Variants in VWA2 observed in about 807,000 individuals in gnomAD.
VWA2 encodes the protein von Willebrand factor A domain containing 2, also known as von Willebrand factor A domain-containing protein 2.
A neutral mutation model predicts 70.4 loss-of-function variants in VWA2; 73 were observed. The ratio of observed to expected loss-of-function variants is 1.04; its 90% confidence interval spans 0.86 to 1.26. VWA2 has a LOEUF of 1.26. Among genes scored for constraint, VWA2 ranks in the 50% most tolerant of loss-of-function variants. The pLI, the probability that VWA2 is intolerant of heterozygous loss-of-function variation, is 0.00. For synonymous variants in VWA2, 407 were observed against 423.3 expected, an observed-to-expected ratio of 0.96 and a Z score of 0.47; for missense variants, 1,011 against 998.5, an observed-to-expected ratio of 1.01 and a Z score of -0.17.
intron 4 of VWA2, among the ~76,000 whole-genome samples, chr10:114,257,018 A>G (rs1464843031): frequency 6.6e-6 from 1 of 152,176 alleles, no homozygotes; most frequent in Admixed American, 6.5e-5. Context: ...GTGGTTTTCC[A>G]AGATAACATT....
intron 2 of VWA2, among the ~76,000 whole-genome samples, chr10:114,249,096 G>C (rs1244367039): frequency 6.6e-6 from 1 of 151,980 alleles, no homozygotes; most frequent in Non-Finnish European, 1.5e-5. Flanking sequence ...TGCCATGATG[G>C]TTTGCTGCAC....
At position 114,286,340 on chromosome 10, in the gene VWA2, C is replaced by G; in HGVS notation, c.1399C>G (p.His467Asp). The G allele has an allele frequency of 6.2e-7, 1 of 1,613,298 alleles. No individual in the cohort carries two copies. Among genetic ancestry groups the G allele is most frequent in the Non-Finnish European group, 8.5e-7 (1 of 1,179,696 alleles). Residue 467 changes from histidine to aspartate, a missense_variant, in exon 11 of 14, where the codon CAC becomes GAC. His to Asp is a moderately conservative substitution (Grantham distance 81). Coordinates refer to ENST00000392982, the MANE Select transcript of VWA2 (RefSeq NM_001272046.2). ...SEDEVAGPAR[H>D]ARARELLLLG... ...GGATGAGGTTGCGGGCCCAGCGCGT[C>G]ACGCAAGGGCGCGAGAGCTGCTCCT...
In VWA2 at chr10:114,286,426, G is replaced by T; in HGVS notation, c.1485G>T (p.Lys495Asn). The T allele has an allele frequency of 6.2e-7, 1 of 1,613,738 alleles. No homozygotes were observed. The highest frequency in any genetic ancestry group is 1.1e-5 in the South Asian group (1 of 91,064). The change falls in exon 11 of 14, where the codon AAG becomes AAT. Residue 495 changes from lysine (K) to asparagine (N), a missense_variant. Lys to Asn is a moderately conservative substitution (Grantham distance 94). Coordinates refer to ENST00000392982, the MANE Select transcript of VWA2 (RefSeq NM_001272046.2). ...AELEEITGSP[K>N]HVMVYSDPQD... ...TGGAGGAGATCACAGGCAGCCCAAAGCATGTGATGGTCTACTCGGATCCTC... is the reference window on the plus strand; with the variant it reads ...TGGAGGAGATCACAGGCAGCCCAAATCATGTGATGGTCTACTCGGATCCTC...
chr10:114,269,319 G>A (rs2133353617), intron 5 of VWA2, among the ~76,000 whole-genome samples: 1 of 152,288 alleles, frequency 6.6e-6, no homozygotes, highest in East Asian at 1.9e-4. Flanking sequence ...GGTGGCCCAC[G>A]CCTGTAATCC....
At chr10:114,253,877 G>A in intron 3 of VWA2, 152 bp downstream of exon 3, 1 of 732,850 alleles carries the variant, frequency 1.4e-6, no homozygotes, top group East Asian at 2.8e-5. Context: ...ACAGGGACCT[G>A]ACCAAATCAC....
At chr10:114,249,966 CA>C (rs1170455736) in intron 2 of VWA2, among the ~76,000 whole-genome samples, 1 of 152,124 alleles carries the variant, frequency 6.6e-6, no homozygotes, top group African/African-American at 2.4e-5. Flanking sequence ...TGCTCCCCGC[CA>C]CCAAAAACAT....
At chr10:114,286,625 C>G in intron 11 of VWA2, 114 bp downstream of exon 11, 2 of 867,840 alleles carry the variant, frequency 2.3e-6, no homozygotes, top group Non-Finnish European at 1.7e-6. Context: ...GCTGAAACCA[C>G]AGCCCCACTC....
rs564036572 is a variant in VWA2, at chr10:114,292,227, A to C, written c.*990A>C. 6.6e-6 allele frequency among the ~76,000 whole-genome samples: 1 copy of C among 151,490 alleles called. No homozygotes were observed. The highest frequency in any genetic ancestry group is 1.5e-5 in the Non-Finnish European group (1 of 67,840). ...GGGAGGCGGAAGTTACAGTGAGCCGAGATCTCACCACTGCACTCCAGCCTG... is the reference window on the plus strand; with the variant it reads ...GGGAGGCGGAAGTTACAGTGAGCCGCGATCTCACCACTGCACTCCAGCCTG... On this transcript the variant is annotated 3_prime_UTR_variant, in exon 14 of 14. Transcript: ENST00000392982.
chr10:114,274,021 G>C lies in VWA2; in HGVS notation c.566+1087G>C, dbSNP rs150664659. The stretch of plus-strand genomic sequence containing the variant: ...AGCAGAAACTTGAGTGAAGTGAGGA[G>C]TAAGCCTTCCAAATATCAGGGGAAG... On this transcript the variant is annotated intron_variant, in intron 6 of 13. Coordinates refer to ENST00000392982, the MANE Select transcript of VWA2 (RefSeq NM_001272046.2). Among the ~76,000 whole-genome samples the C allele has an allele frequency of 5.6e-3, 850 of 152,298 alleles. 6 individuals carry two copies. Among genetic ancestry groups the C allele is most frequent in the Middle Eastern group, 0.01 (3 of 294 alleles).
intron 7 of VWA2, 106 bp downstream of exon 7, chr10:114,278,153 G>T: frequency 6.8e-7 from 1 of 1,464,484 alleles, no homozygotes; most frequent in Admixed American, 2.1e-5. Context: ...TGGAGGGCAG[G>T]CAAGAGAAAC....
chr10:114,247,960 A>G (rs1319130191), intron 1 of VWA2, among the ~76,000 whole-genome samples: 1 of 151,958 alleles, frequency 6.6e-6, no homozygotes, highest in East Asian at 1.9e-4. Flanking sequence ...AATTTTTCTC[A>G]GCCAAGTGTG....
intron 6 of VWA2, among the ~76,000 whole-genome samples, chr10:114,277,687 C>CT (rs2037879199): frequency 1.3e-5 from 2 of 152,206 alleles, no homozygotes; most frequent in South Asian, 4.1e-4. Context: ...ATTCCTCAGT[C>CT]TTTTTTTCTG....
chr10:114,286,519 C>A lies in VWA2; in HGVS notation c.1570+8C>A, dbSNP rs1188425386. The A allele has an allele frequency of 6.4e-7, 1 of 1,552,718 alleles. No individual in the cohort carries two copies. Among genetic ancestry groups the A allele is most frequent in the Non-Finnish European group, 8.7e-7 (1 of 1,148,254 alleles). ...GCAGCCGGCAGCGGCCAGGTAAGGTCCCAGTGCCTGACCCAGGACCGCTGG... is the reference window on the plus strand; with the variant it reads ...GCAGCCGGCAGCGGCCAGGTAAGGTACCAGTGCCTGACCCAGGACCGCTGG... On this transcript the variant is annotated splice_region_variant and intron_variant, in intron 11 of 13. Coordinates refer to ENST00000392982, the MANE Select transcript of VWA2 (RefSeq NM_001272046.2).
chr10:114,255,274 A>T (rs2037301256), intron 4 of VWA2, among the ~76,000 whole-genome samples: 2 of 144,492 alleles, frequency 1.4e-5, no homozygotes. Context: ...CTTTTGGTTG[A>T]CTTCCTTCTC....
At chr10:114,267,059 A>C (rs1254069205) in intron 5 of VWA2, among the ~76,000 whole-genome samples, 1 of 151,944 alleles carries the variant, frequency 6.6e-6, no homozygotes, top group African/African-American at 2.4e-5. Context: ...ATTTTTGTCT[A>C]TTGCTGGAAA....
At chr10:114,279,283 T>C (rs539729815) in intron 8 of VWA2, among the ~76,000 whole-genome samples, 76 of 152,232 alleles carry the variant, frequency 5.0e-4, no homozygotes, top group African/African-American at 1.8e-3. Flanking sequence ...TTCTTTGGGA[T>C]TGGAGCCCAG....
At chr10:114,264,894 A>G (rs1724124170) in intron 5 of VWA2, among the ~76,000 whole-genome samples, 1 of 150,656 alleles carries the variant, frequency 6.6e-6, no homozygotes, top group Admixed American at 6.6e-5. Context: ...TAATTTTTGT[A>G]TTTTTAGTAG....
chr10:114,239,811 T>C (rs1381050748), intron 1 of VWA2, among the ~76,000 whole-genome samples: 6 of 152,240 alleles, frequency 3.9e-5, no homozygotes, highest in Non-Finnish European at 7.4e-5. Flanking sequence ...GCCTCCCTCG[T>C]GGCCACTCGC....
At chr10:114,277,168 C>CTGTTTTT in intron 6 of VWA2, among the ~76,000 whole-genome samples, 1 of 61,218 alleles carries the variant, frequency 1.6e-5, no homozygotes, top group African/African-American at 6.9e-5. Flanking sequence ...GACTGCACGT[C>CTGTTTTT]TTTTTTTTTT....
Sources: allele counts gnomAD v4.1 joint callset (sites outside exome capture counted in the v4.1 genomes callset), GRCh38; gene constraint gnomAD v4.1.1; transcripts MANE v1.5; gene names NCBI Gene and HGNC (gene_info 2026-07-23, HGNC 2026-07-21).